ACTBL2: variants seen among roughly 807,000 people sequenced by gnomAD.
The protein encoded by ACTBL2 is actin beta like 2, also known as beta-actin-like protein 2.
A neutral mutation model predicts 23.2 loss-of-function variants in ACTBL2; 29 were observed. The ratio of observed to expected loss-of-function variants is 1.25; its 90% CI spans 0.93 to 1.71. The LOEUF (loss-of-function observed/expected upper bound fraction) is 1.71, where lower values mean the gene tolerates loss of function less well. Ranked by LOEUF, ACTBL2 falls within the 40% of genes most tolerant of loss-of-function variation. The pLI, the probability that ACTBL2 is intolerant of heterozygous loss-of-function variation, is 0.00. For missense variants in ACTBL2, 524 were observed against 486.2 expected (o/e 1.08, Z -0.73); for synonymous variants, 173 against 182.1 (o/e 0.95, Z 0.40).
In ACTBL2 at chr5:57,481,641, A is replaced by G. The variant is rs1323612569; in HGVS notation, c.1067T>C (p.Met356Thr). ...ATCATATTCCTGCTTACTGATCCAC[A>G]TCTGCTGGAATGTGGACAGGCTGGC... ...ILASLSTFQQ[M>T]WISKQEYDEA... Residue 356 changes from methionine to threonine, a missense_variant, in exon 1 of 1, where the codon ATG (methionine) becomes ACG (threonine). Met to Thr is a moderately conservative substitution (Grantham distance 81). Transcript: ENST00000423391. 4.3e-6 allele frequency: 7 copies of G among 1,614,052 alleles called. No individual in the cohort carries two copies. The highest frequency in any genetic ancestry group is 5.9e-6 in the Non-Finnish European group (7 of 1,180,018).
rs1259970067 is a variant in ACTBL2 at position 57,481,416 on chromosome 5, T to C, written c.*161A>G. The stretch of plus-strand genomic sequence containing the variant: ...TGATGGAGAACCGGATGTGGTTATC[T>C]GGGTAAGAGCCCAGGTTACTTGGAT... On this transcript the variant is annotated 3_prime_UTR_variant, in exon 1 of 1. Transcript: ENST00000423391. 1.2e-6 allele frequency: 1 copy of C among 819,172 alleles called. No homozygotes were observed. Among genetic ancestry groups the C allele is most frequent in the Non-Finnish European group, 1.9e-6 (1 of 532,834 alleles). The allele number at this position is 819,172 out of a possible 1,614,324, so 50.7% of individuals were successfully genotyped here.
Position 57,482,333 on chromosome 5 carries a change from G to GA in ACTBL2, c.374dup (p.Glu126ArgfsTer43). Reference sequence around the variant, plus strand: ...ACATGGCTGGTGTGTTGAAAGCCTCGAACATGATCTGAGTCATCTTTTCCC... The same window carrying GA: ...ACATGGCTGGTGTGTTGAAAGCCTCGAAACATGATCTGAGTCATCTTTTCCC... On this transcript the variant is annotated frameshift_variant, in exon 1 of 1. Transcript: ENST00000423391. LOFTEE classifies it high-confidence loss of function. 1 of 1,614,022 alleles carries GA rather than the reference G, an allele frequency of 6.2e-7. No individual in the cohort carries two copies. Among genetic ancestry groups the GA allele is most frequent in the African/African-American group, 1.3e-5 (1 of 75,024 alleles).
Position 57,482,210 on chromosome 5 carries a change from G to A in ACTBL2, c.498C>T (p.Ile166=). The change falls in exon 1 of 1, where the codon ATC becomes ATT. Residue 166 remains isoleucine, a synonymous_variant. Coordinates refer to ENST00000423391, the MANE Select transcript of ACTBL2 (RefSeq NM_001017992.4). ...SGDGVTHIVP[I]YEGYALPHAI... ...CATGAGGCAGGGCATAACCTTCATA[G>A]ATGGGCACGATGTGAGTGACCCCAT... 6.2e-7 allele frequency: 1 copy of A among 1,614,166 alleles called. No homozygotes were observed. The highest frequency in any genetic ancestry group is 8.5e-7 in the Non-Finnish European group (1 of 1,180,048).
Position 57,481,661 on chromosome 5 carries a change from G to A in ACTBL2, c.1047C>T (p.Ser349=). ...TCCACATCTGCTGGAATGTGGACAGGCTGGCAAGGATGGAGCCCCCAATCC... is the reference window on the plus strand; with the variant it reads ...TCCACATCTGCTGGAATGTGGACAGACTGGCAAGGATGGAGCCCCCAATCC... ...SVWIGGSILA[S]LSTFQQMWIS... is the part of the protein sequence containing the mutation. The change falls in exon 1 of 1, where the codon AGC becomes AGT. Residue 349 remains serine (S), a synonymous_variant. Coordinates refer to ENST00000423391, the MANE Select transcript of ACTBL2 (RefSeq NM_001017992.4). 1 of 1,614,064 alleles carries A rather than the reference G, an allele frequency of 6.2e-7. No homozygotes were observed. The highest frequency in any genetic ancestry group is 8.5e-7 in the Non-Finnish European group (1 of 1,180,022).
rs990563848 is a variant in ACTBL2, at chr5:57,480,295, A to G, written c.*1282T>C. 2.6e-5 allele frequency: 4 copies of G among 152,124 alleles called. No individual in the cohort carries two copies. The highest frequency in any genetic ancestry group is 6.5e-5 in the Admixed American group (1 of 15,274). 9.4% of individuals were successfully genotyped at this position (152,124 alleles called of 1,614,324 possible). ...TATAATGCCTGAATAAGCAATCCAA[A>G]TAAATATTTTAAATTTTCAGAAATT... On this transcript the variant is annotated 3_prime_UTR_variant, in exon 1 of 1. Transcript: ENST00000423391.
Position 57,482,605 on chromosome 5 carries a change from T to A in ACTBL2, c.103A>T (p.Met35Leu), listed in dbSNP as rs1375410321. The part of the protein sequence containing the change: ...DDAPRAVFPS[M>L]IGRPRHQGVM... ...CCCTGGTGTCGAGGACGCCCTATCA[T>A]GGAGGGGAACACAGCCCGGGGGGCA... Residue 35 changes from methionine (M) to leucine (L), a missense_variant, in exon 1 of 1, where the codon ATG becomes TTG. Physicochemically the swap from Met to Leu is conservative, Grantham distance 15 (BLOSUM62 2). Transcript: ENST00000423391. 1 of 1,614,058 alleles carries A rather than the reference T, an allele frequency of 6.2e-7. No homozygotes were observed. The highest frequency in any genetic ancestry group is 1.6e-4 in the Middle Eastern group (1 of 6,062).
At position 57,481,636 on chromosome 5, in the gene ACTBL2, T is replaced by G. The variant is rs1262020716; in HGVS notation, c.1072A>C (p.Ile358Leu). 1 of 1,614,004 alleles carries G rather than the reference T, an allele frequency of 6.2e-7. No individual in the cohort carries two copies. The change falls in exon 1 of 1, where the codon ATC (isoleucine) becomes CTC (leucine). Residue 358 changes from isoleucine (I) to leucine (L), a missense_variant. Physicochemically the swap from Ile to Leu is conservative, Grantham distance 5 (BLOSUM62 2). Coordinates refer to ENST00000423391, the MANE Select transcript of ACTBL2 (RefSeq NM_001017992.4). ...GCCTCATCATATTCCTGCTTACTGA[T>G]CCACATCTGCTGGAATGTGGACAGG... ...ASLSTFQQMW[I>L]SKQEYDEAGP...
In ACTBL2 at chr5:57,482,427, T is replaced by A; in HGVS notation, c.281A>T (p.Glu94Val). 1 of 1,614,086 alleles carries A rather than the reference T, an allele frequency of 6.2e-7. No individual in the cohort carries two copies. The highest frequency in any genetic ancestry group is 1.1e-5 in the South Asian group (1 of 91,042). ...ATGCTCATCTGGTGCCACACGGAGC[T>A]CATTGTAGAATGTGTGGTACCAGAT... ...EKIWYHTFYN[E>V]LRVAPDEHPI... The change falls in exon 1 of 1, where the codon GAG becomes GTG. Residue 94 changes from glutamate (E) to valine (V), a missense_variant. Transcript: ENST00000423391.
At position 57,482,649 on chromosome 5, in the gene ACTBL2, G is replaced by T. The variant is rs1273615070; in HGVS notation, c.59C>A (p.Ala20Glu). 1.2e-6 allele frequency: 2 copies of T among 1,614,064 alleles called. No individual in the cohort carries two copies. The stretch of plus-strand genomic sequence containing the variant: ...GGGGGCATCGTCACCACCAAAGCCT[G>T]CCTTGCACATCCCTGACCCATTATC... ...VVDNGSGMCKAGFGGDDAPRA... is the reference protein window; with the variant it reads ...VVDNGSGMCKEGFGGDDAPRA... Residue 20 changes from alanine (A) to glutamate (E), a missense_variant, in exon 1 of 1, where the codon GCA becomes GAA. Physicochemically the swap from Ala to Glu is moderately radical, Grantham distance 107 (BLOSUM62 -1). Transcript: ENST00000423391.
chr5:57,481,234 A>G lies in ACTBL2; in HGVS notation c.*343T>C, dbSNP rs1423458663. ...GTTCTTGTTAAATATTTTAGCGAGA[A>G]CTAAGTTTTAAAGCTTGATAATTAT... On this transcript the variant is annotated 3_prime_UTR_variant, in exon 1 of 1. Coordinates refer to ENST00000423391, the MANE Select transcript of ACTBL2 (RefSeq NM_001017992.4). 1.5e-5 allele frequency: 3 copies of G among 194,290 alleles called. No homozygotes were observed. Among genetic ancestry groups the G allele is most frequent in the African/African-American group, 7.0e-5 (3 of 43,044 alleles). 12.0% of individuals were successfully genotyped at this position (194,290 alleles called of 1,614,324 possible).
Position 57,481,793 on chromosome 5 carries a change from G to T in ACTBL2, c.915C>A (p.Thr305=), listed in dbSNP as rs778044207. 36 of 1,613,904 alleles carry T rather than the reference G, an allele frequency of 2.2e-5. No individual in the cohort carries two copies. The Admixed American group carries it at 5.7e-4, about 25-fold the overall frequency. ...TCCTGTCAGCAATGCCTGGGTACAT[G>T]GTGCTCCCTCCAGATAACACGGTGT... ...YANTVLSGGS[T]MYPGIADRMQ... The change falls in exon 1 of 1, where the codon ACC becomes ACA. Residue 305 remains threonine (T), a synonymous_variant. Coordinates refer to ENST00000423391, the MANE Select transcript of ACTBL2 (RefSeq NM_001017992.4).
At position 57,482,633 on chromosome 5, in the gene ACTBL2, G is replaced by A. The variant is rs374948712; in HGVS notation, c.75C>T (p.Asp25=). Residue 25 remains aspartate, a synonymous_variant, in exon 1 of 1, where the codon GAC becomes GAT. Transcript: ENST00000423391. ...AGGGGAACACAGCCCGGGGGGCATC[G>A]TCACCACCAAAGCCTGCCTTGCACA... The part of the protein sequence containing the change: ...SGMCKAGFGG[D]DAPRAVFPSM... 90 of 1,614,018 alleles carry A rather than the reference G, an allele frequency of 5.6e-5. No homozygotes were observed. The African/African-American group carries it at 8.5e-4, about 15-fold the overall frequency.
In ACTBL2 at chr5:57,481,405, A is replaced by T; in HGVS notation, c.*172T>A. ...TCACCTTCACTTGATGGAGAACCGG[A>T]TGTGGTTATCTGGGTAAGAGCCCAG... is the stretch of plus-strand genomic sequence containing the variant. On this transcript the variant is annotated 3_prime_UTR_variant, in exon 1 of 1. Coordinates refer to ENST00000423391, the MANE Select transcript of ACTBL2 (RefSeq NM_001017992.4). The T allele has an allele frequency of 1.4e-6, 1 of 719,696 alleles. No individual in the cohort carries two copies. Among genetic ancestry groups the T allele is most frequent in the Non-Finnish European group, 2.2e-6 (1 of 445,100 alleles). 44.6% of individuals were successfully genotyped at this position (719,696 alleles called of 1,614,324 possible).
rs756215581 is a variant in ACTBL2, at chr5:57,482,491, C to A, written c.217G>T (p.Glu73Ter). 5 of 1,614,056 alleles carry A rather than the reference C, an allele frequency of 3.1e-6. No individual in the cohort carries two copies. Among genetic ancestry groups the A allele is most frequent in the Non-Finnish European group, 4.2e-6 (5 of 1,180,006 alleles). Reference protein sequence around the residue: ...RGVLTLKYPIEHGVVTNWDDM... With the variant: ...RGVLTLKYPI The stretch of plus-strand genomic sequence containing the variant: ...TCCCAGTTGGTGACCACTCCATGCT[C>A]GATAGGATACTTCAGGGTCAGGACG... Residue 73 changes from glutamate to a stop codon, truncating the protein, a stop_gained, in exon 1 of 1, where the codon GAG (glutamate) becomes TAG (stop). Transcript: ENST00000423391. LOFTEE classifies it high-confidence loss of function.
rs138667238 is a variant in ACTBL2, at chr5:57,481,295, T to A, written c.*282A>T. 883 of 310,638 alleles carry A rather than the reference T, an allele frequency of 2.8e-3. 5 individuals are homozygous for A. The highest frequency in any genetic ancestry group is 0.017 in the African/African-American group (801 of 47,704). 19.2% of individuals were successfully genotyped at this position (310,638 alleles called of 1,614,324 possible). The stretch of plus-strand genomic sequence containing the variant: ...TCTGAAATGACATTTCTCGTGATTT[T>A]ACTCCTTGTCACTTATATGTATTTA... On this transcript the variant is annotated 3_prime_UTR_variant, in exon 1 of 1. Coordinates refer to ENST00000423391, the MANE Select transcript of ACTBL2 (RefSeq NM_001017992.4).
Position 57,481,403 on chromosome 5 carries a change from G to A in ACTBL2, c.*174C>T, listed in dbSNP as rs1745150801. The A allele has an allele frequency of 2.8e-6, 2 of 711,150 alleles. No homozygotes were observed. Among genetic ancestry groups the A allele is most frequent in the Non-Finnish European group, 4.6e-6 (2 of 438,442 alleles). 44.1% of individuals were successfully genotyped at this position (711,150 alleles called of 1,614,324 possible). Reference sequence around the variant, plus strand: ...ATTCACCTTCACTTGATGGAGAACCGGATGTGGTTATCTGGGTAAGAGCCC... The same window carrying A: ...ATTCACCTTCACTTGATGGAGAACCAGATGTGGTTATCTGGGTAAGAGCCC... On this transcript the variant is annotated 3_prime_UTR_variant, in exon 1 of 1. Transcript: ENST00000423391.
At position 57,482,280 on chromosome 5, in the gene ACTBL2, A is replaced by G; in HGVS notation, c.428T>C (p.Leu143Pro). The G allele has an allele frequency of 6.2e-7, 1 of 1,614,052 alleles. No homozygotes were observed. The highest frequency in any genetic ancestry group is 8.5e-7 in the Non-Finnish European group (1 of 1,180,012). The stretch of plus-strand genomic sequence containing the variant: ...GCCTGTGGTCCGTCCTGAGGCATAG[A>G]GGGACAGCACAGCCTGGATGGCGAC... ...MYVAIQAVLS[L>P]YASGRTTGIV... The change falls in exon 1 of 1, where the codon CTC becomes CCC. Residue 143 changes from leucine to proline, a missense_variant. Physicochemically the swap from Leu to Pro is moderately conservative, Grantham distance 98 (BLOSUM62 -3). Transcript: ENST00000423391.
chr5:57,481,569 A>T lies in ACTBL2; in HGVS notation c.*8T>A, dbSNP rs376022061. The T allele has an allele frequency of 4.4e-6, 7 of 1,607,666 alleles. No homozygotes were observed. The highest frequency in any genetic ancestry group is 5.1e-6 in the Non-Finnish European group (6 of 1,176,962). On this transcript the variant is annotated 3_prime_UTR_variant, in exon 1 of 1. Transcript: ENST00000423391. ...GGAAAATGTAAGCCCACTAATATGG[A>T]AGCCCATTCAGAAACATTTTCTGTG...
At position 57,482,191 on chromosome 5, in the gene ACTBL2, G is replaced by A. The variant is rs1362230002; in HGVS notation, c.517C>T (p.Pro173Ser). 3.1e-6 allele frequency: 5 copies of A among 1,614,144 alleles called. 1 individual carries two copies. In the South Asian group the frequency reaches 3.3e-5, roughly 11 times the overall value. ...IVPIYEGYAL[P>S]HAILRLDLAG... ...AGATCCAGGCGTAGAATGGCATGAG[G>A]CAGGGCATAACCTTCATAGATGGGC... The change falls in exon 1 of 1, where the codon CCT becomes TCT. Residue 173 changes from proline to serine, a missense_variant. Transcript: ENST00000423391.
Sources: gnomAD v4.1 joint callset for allele counts on GRCh38, gnomAD v4.1.1 for gene constraint, MANE v1.5 for transcripts, NCBI Gene and HGNC (gene_info 2026-07-23, HGNC 2026-07-21) for gene names.